Variants in SLC35E1 observed in about 807,000 individuals in gnomAD.
SLC35E1 encodes the protein solute carrier family 35 member E1.
A neutral mutation model predicts 31.0 loss-of-function variants in SLC35E1; 12 were observed. The ratio of observed to expected loss-of-function variants is 0.39; its 90% confidence interval spans 0.25 to 0.63. The LOEUF (loss-of-function observed/expected upper bound fraction) is 0.63, where lower values mean the gene tolerates loss of function less well. Among genes scored for constraint, SLC35E1 ranks in the 20% least tolerant of loss-of-function variants. The pLI, the probability that SLC35E1 is intolerant of heterozygous loss-of-function variation, is 0.52. For synonymous variants in SLC35E1, 257 were observed against 264.1 expected (o/e 0.97, Z 0.26); for missense variants, 429 against 572.2 (o/e 0.75, Z 2.55).
chr19:16,553,835 C>G lies in SLC35E1; in HGVS notation c.1077G>C (p.Glu359Asp). The G allele has an allele frequency of 1.2e-6, 2 of 1,613,990 alleles. No individual in the cohort carries two copies. Among genetic ancestry groups the G allele is most frequent in the Non-Finnish European group, 1.7e-6 (2 of 1,179,934 alleles). ...PVTTADLSSK[E>D]RHRSPLEKPH... is the part of the protein sequence containing the mutation. Reference sequence around the variant, plus strand: ...GCTTCTCCAGTGGGCTCCGGTGACGCTCCTTGCTGCTCAGGTCTGCTGTGG... The same window carrying G: ...GCTTCTCCAGTGGGCTCCGGTGACGGTCCTTGCTGCTCAGGTCTGCTGTGG... Residue 359 changes from glutamate to aspartate, a missense_variant, in exon 6 of 6, where the codon GAG becomes GAC. By Grantham distance (45) the Glu-to-Asp change is conservative (BLOSUM62 2). Coordinates refer to ENST00000595753, the MANE Select transcript of SLC35E1 (RefSeq NM_024881.5).
intron 4 of SLC35E1, among the ~76,000 whole-genome samples, chr19:16,559,836 C>G (rs577591517): frequency 6.6e-6 from 1 of 152,294 alleles, no homozygotes; most frequent in African/African-American, 2.4e-5. Flanking sequence ...TCCCAACCAC[C>G]TGGAATTTCC....
intron 4 of SLC35E1, among the ~76,000 whole-genome samples, chr19:16,560,169 A>G (rs1568272752): frequency 6.6e-6 from 1 of 151,992 alleles, no homozygotes. Context: ...TCATCCTCAC[A>G]TGTGTGACGC....
intron 4 of SLC35E1, among the ~76,000 whole-genome samples, chr19:16,558,287 G>A (rs2085886355): frequency 2.7e-5 from 4 of 148,808 alleles, no homozygotes; most frequent in Admixed American, 6.7e-5. Flanking sequence ...CAGGTGATCC[G>A]CCCACCTTGG....
chr19:16,567,906 G>A, intron 3 of SLC35E1, 126 bp downstream of exon 3: 1 of 1,300,194 alleles, frequency 7.7e-7, no homozygotes, highest in Non-Finnish European at 1.0e-6. Context: ...TCAGCAGAAT[G>A]GCAATCAAGA....
chr19:16,566,463 C>G, intron 4 of SLC35E1, 69 bp downstream of exon 4: 1 of 1,599,900 alleles, frequency 6.3e-7, no homozygotes, highest in East Asian at 2.2e-5. Context: ...GCAGCTACAG[C>G]TCCTCAACAA....
chr19:16,563,444 A>C (rs977687494), intron 4 of SLC35E1, among the ~76,000 whole-genome samples: 1 of 152,204 alleles, frequency 6.6e-6, no homozygotes. Context: ...CAGGTGAACT[A>C]GGAGCCTAAG....
rs368769774 is a variant in SLC35E1 at position 16,559,384 on chromosome 19, CT to C, written c.757-3988del. On this transcript the variant is annotated intron_variant, in intron 4 of 5. Coordinates refer to ENST00000595753, the MANE Select transcript of SLC35E1 (RefSeq NM_024881.5). ...TCTATAGTCCCAGCACTTTGGGAGG[CT>C]GAGGCGGGTGGATCACTTAAGCCCA... 5.0e-4 allele frequency among the ~76,000 whole-genome samples: 76 copies of C among 151,802 alleles called. 1 individual carries two copies. Among genetic ancestry groups the C allele is most frequent in the African/African-American group, 1.8e-3 (73 of 41,362 alleles).
chr19:16,556,819 G>C (rs1248211896), intron 4 of SLC35E1: 6 of 470,234 alleles, frequency 1.3e-5, no homozygotes, highest in Admixed American at 7.1e-5. Flanking sequence ...CACTCCAAGA[G>C]AGAAGGATCA....
intron 4 of SLC35E1, chr19:16,557,246 T>G (rs900557638): frequency 6.9e-6 from 2 of 288,830 alleles, no homozygotes; most frequent in African/African-American, 2.2e-5. Context: ...CAGGCTGGAG[T>G]GCAGTGGCGC....
intron 5 of SLC35E1, among the ~76,000 whole-genome samples, chr19:16,554,267 G>GAAAA (rs778901992): frequency 3.9e-5 from 2 of 51,640 alleles, no homozygotes; most frequent in Admixed American, 2.4e-4. Context: ...CGCTGTCTCA[G>GAAAA]AAAAAAAAAA....
intron 3 of SLC35E1, among the ~76,000 whole-genome samples, chr19:16,567,001 G>A (rs1181974321): frequency 6.6e-6 from 1 of 152,174 alleles, no homozygotes; most frequent in African/African-American, 2.4e-5. Flanking sequence ...AGTGATTAAC[G>A]TTTCATACCC....
chr19:16,556,212 CA>C (rs373629092), intron 4 of SLC35E1, among the ~76,000 whole-genome samples: 1,740 of 150,426 alleles, frequency 0.012, 24 homozygotes, highest in South Asian at 0.033. Context: ...GACTCTGTCT[CA>C]AAAAAACAAA....
At chr19:16,568,380 A>C (rs1331319091) in intron 2 of SLC35E1, among the ~76,000 whole-genome samples, 1 of 152,158 alleles carries the variant, frequency 6.6e-6, no homozygotes, top group African/African-American at 2.4e-5. Context: ...ATTTGTGGGT[A>C]GCCCCATCCC....
intron 4 of SLC35E1, chr19:16,565,735 C>T (rs2085928660): frequency 6.7e-6 from 1 of 150,330 alleles, no homozygotes; most frequent in Non-Finnish European, 1.5e-5. Flanking sequence ...CCAGGCTGGT[C>T]TCAAACTCCT....
intron 3 of SLC35E1, 133 bp from the exon 4 acceptor site, chr19:16,566,790 G>GC: frequency 1.8e-6 from 2 of 1,082,918 alleles, no homozygotes; most frequent in East Asian, 2.4e-5. Flanking sequence ...ACCTGCAAGT[G>GC]CATTTGTGAG....
rs557887919 is a variant in SLC35E1 at position 16,551,338 on chromosome 19, G to C, written c.*2341C>G. The C allele has an allele frequency of 1.3e-5, 2 of 152,260 alleles. No individual in the cohort carries two copies. The highest frequency in any genetic ancestry group is 6.5e-5 in the Admixed American group (1 of 15,286). 9.4% of individuals were successfully genotyped at this position (152,260 alleles called of 1,614,324 possible). A position where few individuals can be genotyped will look rare whatever the true frequency, so the allele number is the denominator to read the frequency against. ...CGGAAACTCACCGCCAAACAGGGTG[G>C]GGGGCCAGTCACCTCTTCAGGAGTG... is the stretch of plus-strand genomic sequence containing the variant. On this transcript the variant is annotated 3_prime_UTR_variant, in exon 6 of 6. Coordinates refer to ENST00000595753, the MANE Select transcript of SLC35E1 (RefSeq NM_024881.5).
intron 4 of SLC35E1, among the ~76,000 whole-genome samples, chr19:16,560,290 T>C (rs979485666): frequency 2.4e-4 from 36 of 152,106 alleles, no homozygotes; most frequent in Admixed American, 2.2e-3. Flanking sequence ...CTCCCTTTCA[T>C]GGCCCTCCAG....
intron 4 of SLC35E1, among the ~76,000 whole-genome samples, chr19:16,560,939 C>T (rs1007443825): frequency 1.6e-4 from 23 of 143,728 alleles, no homozygotes; most frequent in Non-Finnish European, 2.3e-4. Context: ...TGGTGGCTCA[C>T]GCCTGTAATC....
chr19:16,568,513 C>T (rs1188734331), intron 2 of SLC35E1, among the ~76,000 whole-genome samples: 3 of 152,220 alleles, frequency 2.0e-5, no homozygotes, highest in Admixed American at 1.3e-4. Context: ...CTCTATAAGG[C>T]TCCCCCATTC....
Sources: gnomAD v4.1 joint callset for allele counts (sites outside exome capture counted in the v4.1 genomes callset) on GRCh38, gnomAD v4.1.1 for gene constraint, MANE v1.5 for transcripts, NCBI Gene and HGNC (gene_info 2026-07-23, HGNC 2026-07-21) for gene names.